The following TMEM273 variants were observed in gnomAD, a reference collection of about 807,000 sequenced individuals.
The protein encoded by TMEM273 is transmembrane protein 273.
A neutral mutation model predicts 17.9 loss-of-function variants in TMEM273; 19 were observed. The observed-to-expected ratio is 1.06, with a 90% CI of 0.74 to 1.55. The LOEUF is 1.55. Among genes scored for constraint, TMEM273 ranks in the 40% most tolerant of loss-of-function variants. The pLI is 0.00. For missense variants in TMEM273, 194 were observed against 155.6 expected (o/e 1.25, Z -1.31); for synonymous variants, 66 against 62.0 (o/e 1.07, Z -0.31).
At chr10:49,169,168 C>G (rs1846394292) in intron 1 of TMEM273, among the ~76,000 whole-genome samples, 1 of 152,154 alleles carries the variant, frequency 6.6e-6, no homozygotes, top group Non-Finnish European at 1.5e-5. Context: ...TGGACTTGGG[C>G]TGGGGATGGG....
intron 1 of TMEM273, among the ~76,000 whole-genome samples, chr10:49,172,420 G>A (rs1469834838): frequency 6.6e-6 from 1 of 152,212 alleles, no homozygotes; most frequent in Non-Finnish European, 1.5e-5. Flanking sequence ...ACAGGGTGCA[G>A]AGTGGGCACT....
At chr10:49,156,502 C>T (rs1845519818) in intron 6 of TMEM273, among the ~76,000 whole-genome samples, 2 of 152,232 alleles carry the variant, frequency 1.3e-5, no homozygotes, top group Non-Finnish European at 2.9e-5. Context: ...CTGCGAAGGG[C>T]CTCACTTATA....
At chr10:49,179,932 C>A (rs1224641107) in intron 1 of TMEM273, among the ~76,000 whole-genome samples, 2 of 152,214 alleles carry the variant, frequency 1.3e-5, no homozygotes, top group Non-Finnish European at 1.5e-5. Flanking sequence ...CCACCCTCAT[C>A]AACAGAGGCC....
intron 1 of TMEM273, among the ~76,000 whole-genome samples, chr10:49,181,833 T>C (rs568607680): frequency 6.6e-6 from 1 of 152,064 alleles, no homozygotes; most frequent in African/African-American, 2.4e-5. Context: ...AAAAAAAGAT[T>C]AATAAGTTAG....
chr10:49,155,757 T>C lies in TMEM273; in HGVS notation c.*135A>G. ...TGTATATTCTATTCCTTCTATTATTTGCCTCCAATATTCAGTCCATGTGAA... is the reference window on the plus strand; with the variant it reads ...TGTATATTCTATTCCTTCTATTATTCGCCTCCAATATTCAGTCCATGTGAA... On this transcript the variant is annotated 3_prime_UTR_variant, in exon 7 of 7. Transcript: ENST00000374153. 1 of 1,215,290 alleles carries C rather than the reference T, an allele frequency of 8.2e-7. No homozygotes were observed. Among genetic ancestry groups the C allele is most frequent in the Non-Finnish European group, 1.2e-6 (1 of 838,770 alleles). 75.3% of individuals were successfully genotyped at this position (1,215,290 alleles called of 1,614,324 possible).
At chr10:49,168,691 A>AGGGG (rs1846355567) in intron 1 of TMEM273, among the ~76,000 whole-genome samples, 1 of 24,672 alleles carries the variant, frequency 4.1e-5, no homozygotes, top group Non-Finnish European at 6.5e-5. Context: ...GAAGGAAGGA[A>AGGGG]GGGAGGGAGG....
At position 49,164,826 on chromosome 10, in the gene TMEM273, T is replaced by C. The variant is rs190875892; in HGVS notation, c.348+379A>G. The stretch of plus-strand genomic sequence containing the variant: ...AAGGCAACACATGCTTAGCCTGCCA[T>C]AGACCTCCCGGGACCCCCACCCCCA... On this transcript the variant is annotated intron_variant, in intron 5 of 6. Coordinates refer to ENST00000374153, the MANE Select transcript of TMEM273 (RefSeq NM_001288740.3). 1.4e-4 allele frequency among the ~76,000 whole-genome samples: 21 copies of C among 151,510 alleles called. No homozygotes were observed. In the East Asian group the frequency reaches 4.1e-3, roughly 30 times the overall value.
intron 6 of TMEM273, among the ~76,000 whole-genome samples, chr10:49,158,739 G>A (rs1188058597): frequency 2.0e-5 from 3 of 152,094 alleles, no homozygotes; most frequent in Non-Finnish European, 4.4e-5. Flanking sequence ...GAAACACTGG[G>A]GAAATAGGGT....
At chr10:49,186,048 GA>G (rs1590264964) in intron 1 of TMEM273, among the ~76,000 whole-genome samples, 3 of 148,462 alleles carry the variant, frequency 2.0e-5, no homozygotes, top group Non-Finnish European at 4.5e-5. Context: ...AGAAGAAGAA[GA>G]AGAGGAAGAA....
In TMEM273 at chr10:49,166,818, C is replaced by T. The variant is rs552229039; in HGVS notation, c.238+51G>A. On this transcript the variant is annotated intron_variant, in intron 3 of 6. Coordinates refer to ENST00000374153, the MANE Select transcript of TMEM273 (RefSeq NM_001288740.3). ...GTAGCCAGCATCACAGAGTGGCCCT[C>T]GGTGCCTCGCTGGGTGGGGCAGAGC... The T allele has an allele frequency of 9.4e-5, 152 of 1,608,478 alleles. 1 individual carries two copies. The highest frequency in any genetic ancestry group is 2.2e-5 in the South Asian group (2 of 91,020).
At chr10:49,163,126 T>G (rs1845947833) in intron 5 of TMEM273, among the ~76,000 whole-genome samples, 1 of 152,110 alleles carries the variant, frequency 6.6e-6, no homozygotes, top group Non-Finnish European at 1.5e-5. Flanking sequence ...CAAAGGCCTC[T>G]TAGGGCGGGG....
intron 1 of TMEM273, among the ~76,000 whole-genome samples, chr10:49,180,324 C>T (rs1847266042): frequency 6.6e-6 from 1 of 152,150 alleles, no homozygotes; most frequent in African/African-American, 2.4e-5. Context: ...GCTGACGTTC[C>T]ACTTCTGGCA....
chr10:49,177,689 T>C (rs897892446), intron 1 of TMEM273, among the ~76,000 whole-genome samples: 2 of 152,232 alleles, frequency 1.3e-5, no homozygotes, highest in Admixed American at 6.5e-5. Context: ...ATGTGTCACA[T>C]GTGACTCAAC....
intron 2 of TMEM273, among the ~76,000 whole-genome samples, chr10:49,167,578 C>T (rs188354350): frequency 2.0e-3 from 306 of 152,228 alleles, no homozygotes; most frequent in African/African-American, 6.9e-3. Flanking sequence ...GCTGGAAGCT[C>T]GCAGGTGGAG....
chr10:49,185,598 T>C (rs1847615638), intron 1 of TMEM273, among the ~76,000 whole-genome samples: 2 of 152,236 alleles, frequency 1.3e-5, no homozygotes, highest in African/African-American at 4.8e-5. Context: ...CACAAACATT[T>C]ACTTACTGGA....
At chr10:49,161,818 C>T (rs11101003) in intron 5 of TMEM273, among the ~76,000 whole-genome samples, 196 bp from the exon 6 acceptor site, 208 of 152,290 alleles carry the variant, frequency 1.4e-3, no homozygotes, top group Non-Finnish European at 2.4e-3. Flanking sequence ...GAAAGTCCCT[C>T]TATTTGCAGA....
At chr10:49,168,335 C>T (rs1441294926) in intron 1 of TMEM273, among the ~76,000 whole-genome samples, 2 of 152,170 alleles carry the variant, frequency 1.3e-5, no homozygotes, top group Non-Finnish European at 2.9e-5. Flanking sequence ...CAGGGCCACA[C>T]CCTCTGCCTG....
At chr10:49,156,818 A>C (rs1845541691) in intron 6 of TMEM273, among the ~76,000 whole-genome samples, 1 of 152,244 alleles carries the variant, frequency 6.6e-6, no homozygotes, top group African/African-American at 2.4e-5. Flanking sequence ...GGTCAGGGAT[A>C]TAGAGCTTGA....
intron 5 of TMEM273, among the ~76,000 whole-genome samples, chr10:49,164,428 C>T (rs1162574690): frequency 6.6e-6 from 1 of 152,184 alleles, no homozygotes; most frequent in Non-Finnish European, 1.5e-5. Context: ...TCCAGCACAT[C>T]TTCCTGGCTG....
Sources: gnomAD v4.1 joint callset for allele counts (sites outside exome capture counted in the v4.1 genomes callset) on GRCh38, gnomAD v4.1.1 for gene constraint, MANE v1.5 for transcripts, NCBI Gene and HGNC (gene_info 2026-07-23, HGNC 2026-07-21) for gene names.